SMYD3: variants seen among roughly 807,000 people sequenced by gnomAD.
SMYD3 encodes histone-lysine N-methyltransferase SMYD3.
In SMYD3, 36 loss-of-function variants were observed where a neutral mutation model predicts 57.7. The ratio of observed to expected loss-of-function variants is 0.62; its 90% CI spans 0.48 to 0.82. The LOEUF (loss-of-function observed/expected upper bound fraction) is 0.82. SMYD3 is among the 40% of genes least tolerant of loss of function. The pLI, the probability that SMYD3 is intolerant of heterozygous loss-of-function variation, is 0.00. For missense variants in SMYD3, 515 were observed against 538.8 expected (o/e 0.96, Z 0.44); for synonymous variants, 211 against 195.0 (o/e 1.08, Z -0.68).
At chr1:245,950,470 C>A (rs1441248393) in intron 5 of SMYD3, among the ~76,000 whole-genome samples, 1 of 152,134 alleles carries the variant, frequency 6.6e-6, no homozygotes, top group Non-Finnish European at 1.5e-5. Flanking sequence ...GTCACCACAG[C>A]CACACTAGGC....
chr1:246,017,472 G>A (rs1231490467), intron 5 of SMYD3, among the ~76,000 whole-genome samples: 3 of 152,106 alleles, frequency 2.0e-5, no homozygotes, highest in African/African-American at 7.2e-5. Flanking sequence ...TGACACTTTT[G>A]AAGACTAGAG....
chr1:246,119,030 A>G (rs1367552666), intron 5 of SMYD3, among the ~76,000 whole-genome samples: 1 of 151,760 alleles, frequency 6.6e-6, no homozygotes, highest in Non-Finnish European at 1.5e-5. Context: ...TAATTTTATT[A>G]TTTTTTTAGA....
At chr1:245,932,693 G>C (rs1011772157) in intron 5 of SMYD3, among the ~76,000 whole-genome samples, 6 of 152,114 alleles carry the variant, frequency 3.9e-5, no homozygotes, top group Admixed American at 6.6e-5. Flanking sequence ...GGGGTAACTG[G>C]GACTACAGGC....
intron 5 of SMYD3, among the ~76,000 whole-genome samples, chr1:246,282,305 C>CAAAAAAAAAAAAAAAAAAAAAAAA (rs57740230): frequency 4.4e-5 from 3 of 67,930 alleles, no homozygotes; most frequent in South Asian, 5.1e-4. Context: ...CTCATCTCTA[C>CAAAAAAAAAAAAAAAAAAAAAAAA]AAAAAAAAAA....
At chr1:246,111,099 C>CAT (rs139953008) in intron 5 of SMYD3, among the ~76,000 whole-genome samples, 2,671 of 151,282 alleles carry the variant, frequency 0.018, 79 homozygotes, top group African/African-American at 0.061. Context: ...CTTAGTATAG[C>CAT]ATATATATAT....
At chr1:246,134,365 T>C (rs1411278125) in intron 5 of SMYD3, among the ~76,000 whole-genome samples, 1 of 152,104 alleles carries the variant, frequency 6.6e-6, no homozygotes, top group Admixed American at 6.6e-5. Context: ...AAATGCCTTA[T>C]AATAAACACT....
At chr1:246,459,769 A>C (rs781580962) in intron 1 of SMYD3, among the ~76,000 whole-genome samples, 1 of 152,176 alleles carries the variant, frequency 6.6e-6, no homozygotes, top group Non-Finnish European at 1.5e-5. Context: ...TAAATATCAA[A>C]AGACTAATTT....
intron 7 of SMYD3, among the ~76,000 whole-genome samples, chr1:245,926,904 C>CTA (rs1362079505): frequency 6.6e-6 from 1 of 152,228 alleles, no homozygotes; most frequent in African/African-American, 2.4e-5. Flanking sequence ...TCACTGACAT[C>CTA]TATCCCAGTA....
intron 5 of SMYD3, among the ~76,000 whole-genome samples, chr1:246,061,832 C>T (rs546298617): frequency 1.3e-5 from 2 of 152,252 alleles, no homozygotes; most frequent in Admixed American, 6.5e-5. Context: ...TGAGAGCTGC[C>T]TTGATAGACC....
chr1:246,317,499 T>C (rs12061443), intron 5 of SMYD3, among the ~76,000 whole-genome samples: 1,561 of 152,274 alleles, frequency 0.01, 37 homozygotes, highest in African/African-American at 0.035. Flanking sequence ...TGGGGAGAAA[T>C]AGAAAGAGTA....
intron 5 of SMYD3, among the ~76,000 whole-genome samples, chr1:246,046,216 G>C (rs1479121551): frequency 1.3e-5 from 2 of 152,052 alleles, no homozygotes; most frequent in Non-Finnish European, 2.9e-5. Flanking sequence ...CAAAGACTTG[G>C]AACCAACCCA....
At position 246,160,682 on chromosome 1, in the gene SMYD3, C is replaced by T. The variant is rs144212996; in HGVS notation, c.531+166519G>A. 1.8e-4 allele frequency among the ~76,000 whole-genome samples: 27 copies of T among 152,316 alleles called. No homozygotes were observed. In the East Asian group the frequency reaches 3.5e-3, roughly 20 times the overall value. On this transcript the variant is annotated intron_variant, in intron 5 of 11. Coordinates refer to ENST00000490107, the MANE Select transcript of SMYD3 (RefSeq NM_001167740.2). ...GTGGCTGCTGTCTAACCCCACATGA[C>T]GTCTCTCATGATTTCCACATTACCA... is the stretch of plus-strand genomic sequence containing the variant.
intron 5 of SMYD3, among the ~76,000 whole-genome samples, chr1:246,123,023 A>AT (rs1486757484): frequency 5.3e-5 from 8 of 152,184 alleles, no homozygotes; most frequent in African/African-American, 1.9e-4. Flanking sequence ...TTATAGAGCT[A>AT]AAGAGAAAAA....
At chr1:246,139,324 A>G (rs1446329167) in intron 5 of SMYD3, among the ~76,000 whole-genome samples, 1 of 152,258 alleles carries the variant, frequency 6.6e-6, no homozygotes, top group East Asian at 1.9e-4. Flanking sequence ...GATTTTCTCA[A>G]GACCACACAG....
At chr1:246,096,171 A>G (rs986619004) in intron 5 of SMYD3, 1 of 152,236 alleles carries the variant, frequency 6.6e-6, no homozygotes, top group African/African-American at 2.4e-5. Flanking sequence ...TGTTTAATAA[A>G]CAAGAAAAAA....
intron 5 of SMYD3, among the ~76,000 whole-genome samples, chr1:246,015,707 C>G (rs1190883991): frequency 1.3e-5 from 2 of 152,196 alleles, no homozygotes; most frequent in Non-Finnish European, 2.9e-5. Flanking sequence ...CCTTTTGTAA[C>G]TACCTTATTT....
chr1:246,068,152 G>A (rs1572971826), intron 5 of SMYD3, among the ~76,000 whole-genome samples: 2 of 152,254 alleles, frequency 1.3e-5, no homozygotes, highest in East Asian at 1.9e-4. Context: ...TTGGAGGAAG[G>A]AGCCTCCTGG....
intron 1 of SMYD3, among the ~76,000 whole-genome samples, chr1:246,370,990 A>G (rs946228143): frequency 9.9e-5 from 15 of 152,230 alleles, no homozygotes; most frequent in African/African-American, 3.6e-4. Context: ...AGTTGTAAAA[A>G]TGCTTTTTGA....
chr1:245,845,435 T>C (rs186353340), intron 10 of SMYD3, among the ~76,000 whole-genome samples: 13 of 152,328 alleles, frequency 8.5e-5, no homozygotes, highest in Admixed American at 2.6e-4. Context: ...GCTATATTAC[T>C]TAATGCCTGT....
Sources: allele counts gnomAD v4.1 joint callset (sites outside exome capture counted in the v4.1 genomes callset), GRCh38; gene constraint gnomAD v4.1.1; transcripts MANE v1.5; gene names NCBI Gene and HGNC (gene_info 2026-07-23, HGNC 2026-07-21).